The following UGT2B4 variants were observed in gnomAD, a reference collection of about 807,000 sequenced individuals.
UGT2B4 encodes the protein UDP glucuronosyltransferase family 2 member B4, also known as UDP-glucuronosyltransferase 2B4.
UGT2B4 carries 49 observed loss-of-function variants against 49.8 expected under a neutral mutation model. The observed-to-expected ratio is 0.98, with a 90% confidence interval of 0.78 to 1.25. UGT2B4 has a LOEUF of 1.25. UGT2B4 is among the 50% of genes most tolerant of loss of function. UGT2B4 has a pLI of 0.00. For synonymous variants in UGT2B4, 246 were observed against 217.7 expected, an observed-to-expected ratio of 1.13 and a Z score of -1.14; for missense variants, 729 against 627.7, an observed-to-expected ratio of 1.16 and a Z score of -1.73.
rs1727746955 is a variant in UGT2B4 at position 69,485,340 on chromosome 4, A to G, written c.1178T>C (p.Val393Ala). ...AIYHGIPMVG[V>A]PLFADQPDNI... ...ATCAGGTTGATCTGCAAACAATGGA[A>G]CGCCCACCATAGGGATTCCATGGTA... The change falls in exon 5 of 6, where the codon GTT (valine) becomes GCT (alanine). Residue 393 changes from valine to alanine, a missense_variant. Coordinates refer to ENST00000305107, the MANE Select transcript of UGT2B4 (RefSeq NM_021139.3). 1.2e-6 allele frequency: 2 copies of G among 1,614,056 alleles called. No homozygotes were observed. Among genetic ancestry groups the G allele is most frequent in the Non-Finnish European group, 1.7e-6 (2 of 1,179,942 alleles).
At chr4:69,508,798 C>A (rs1728536673) in intron 1 of UGT2B4, among the ~76,000 whole-genome samples, 2 of 152,072 alleles carry the variant, frequency 1.3e-5, no homozygotes, top group African/African-American at 4.8e-5. Flanking sequence ...CACAGCAAAC[C>A]CCATGACATA....
chr4:69,483,108 G>C (rs1191047553), intron 5 of UGT2B4, among the ~76,000 whole-genome samples: 1 of 152,106 alleles, frequency 6.6e-6, no homozygotes, highest in African/African-American at 2.4e-5. Flanking sequence ...AAATAAAAGT[G>C]TGTGCATAAT....
intron 5 of UGT2B4, 116 bp from the exon 6 acceptor site, chr4:69,481,026 C>G: frequency 9.3e-7 from 1 of 1,077,812 alleles, no homozygotes; most frequent in Admixed American, 2.7e-5. Context: ...ATCACGAGGT[C>G]AGGAGATCAA....
At chr4:69,515,150 C>A (rs1383412033) in intron 1 of UGT2B4, among the ~76,000 whole-genome samples, 1 of 152,162 alleles carries the variant, frequency 6.6e-6, no homozygotes, top group Non-Finnish European at 1.5e-5. Flanking sequence ...AGGGCCTTAA[C>A]TTAACTTTGG....
intron 5 of UGT2B4, among the ~76,000 whole-genome samples, chr4:69,481,807 CAT>C (rs2109800909): frequency 6.6e-6 from 1 of 152,296 alleles, no homozygotes; most frequent in East Asian, 1.9e-4. Context: ...GGAATTGTGT[CAT>C]GTGGGTGAAA....
intron 1 of UGT2B4, among the ~76,000 whole-genome samples, chr4:69,514,592 G>C (rs1468758309): frequency 6.6e-6 from 1 of 152,070 alleles, no homozygotes; most frequent in Non-Finnish European, 1.5e-5. Flanking sequence ...TGTTGGCTGT[G>C]GGTTTGTCAT....
chr4:69,482,265 T>A (rs1162847205), intron 5 of UGT2B4, among the ~76,000 whole-genome samples: 1 of 152,236 alleles, frequency 6.6e-6, no homozygotes, highest in East Asian at 1.9e-4. Context: ...TTTCCTCTAC[T>A]TTTTGTGCTT....
intron 1 of UGT2B4, among the ~76,000 whole-genome samples, chr4:69,515,827 G>T (rs1351815800): frequency 1.3e-5 from 2 of 152,030 alleles, no homozygotes; most frequent in South Asian, 2.1e-4. Context: ...ACCAAACAAA[G>T]AAAACAGCAT....
intron 1 of UGT2B4, among the ~76,000 whole-genome samples, chr4:69,501,332 A>T (rs1019318549): frequency 2.6e-5 from 4 of 152,014 alleles, no homozygotes; most frequent in African/African-American, 9.7e-5. Flanking sequence ...CAGGTTCCAG[A>T]TCCTGTTCCT....
chr4:69,524,554 A>G (rs76722375), intron 1 of UGT2B4, among the ~76,000 whole-genome samples: 53,187 of 151,764 alleles, frequency 0.35, 9,366 homozygotes, highest in Non-Finnish European at 0.37. Flanking sequence ...GCTCAACATA[A>G]GGAATATAGC....
chr4:69,503,378 C>T (rs7679951), intron 1 of UGT2B4, among the ~76,000 whole-genome samples: 4 of 152,094 alleles, frequency 2.6e-5, no homozygotes, highest in Non-Finnish European at 4.4e-5. Context: ...CATGTTCTCT[C>T]CCAAGACTGC....
At position 69,485,115 on chromosome 4, in the gene UGT2B4, T is replaced by C. The variant is rs1211093026; in HGVS notation, c.1310+93A>G. On this transcript the variant is annotated intron_variant, in intron 5 of 5. Transcript: ENST00000305107. ...TTAAATCACTTAAATTCTTTCGAAA[T>C]CAGTCGCTTATAAAAAGGATAAAAG... 12 of 1,428,910 alleles carry C rather than the reference T, an allele frequency of 8.4e-6. No homozygotes were observed. The East Asian group carries it at 2.5e-4, about 30-fold the overall frequency. 88.5% of individuals were successfully genotyped at this position (1,428,910 alleles called of 1,614,324 possible).
At chr4:69,505,187 A>T (rs964192615) in intron 1 of UGT2B4, among the ~76,000 whole-genome samples, 1 of 152,078 alleles carries the variant, frequency 6.6e-6, no homozygotes, top group Non-Finnish European at 1.5e-5. Context: ...ATAACCAGCT[A>T]ACATCATGAT....
In UGT2B4 at chr4:69,495,429, A is replaced by C; in HGVS notation, c.433T>G (p.Phe145Val). 1 of 1,613,912 alleles carries C rather than the reference A, an allele frequency of 6.2e-7. No individual in the cohort carries two copies. Among genetic ancestry groups the C allele is most frequent in the Non-Finnish European group, 8.5e-7 (1 of 1,179,952 alleles). The stretch of plus-strand genomic sequence containing the variant: ...ACAGCATCTGCAAGAACAACATCAA[A>C]TCTTGACTCCTGTAGTTTCTTCATA... ...KLMKKLQESR[F>V]DVVLADAVFP... Residue 145 changes from phenylalanine to valine, a missense_variant, in exon 1 of 6, where the codon TTT becomes GTT. Coordinates refer to ENST00000305107, the MANE Select transcript of UGT2B4 (RefSeq NM_021139.3).
At chr4:69,509,144 G>A (rs1185631915) in intron 1 of UGT2B4, among the ~76,000 whole-genome samples, 3 of 148,638 alleles carry the variant, frequency 2.0e-5, no homozygotes, top group Admixed American at 6.8e-5. Context: ...ACATATGGCA[G>A]GATTGTTAGA....
chr4:69,518,442 T>C (rs531354108), intron 1 of UGT2B4: 2 of 152,268 alleles, frequency 1.3e-5, no homozygotes, highest in East Asian at 3.9e-4. Context: ...AGTTTGAGTG[T>C]TTACTGAGCA....
chr4:69,494,222 T>C (rs1005548621), intron 1 of UGT2B4, among the ~76,000 whole-genome samples: 1 of 152,128 alleles, frequency 6.6e-6, no homozygotes, highest in Non-Finnish European at 1.5e-5. Context: ...ACCATACCCA[T>C]AAAAACAATT....
intron 4 of UGT2B4, among the ~76,000 whole-genome samples, chr4:69,485,691 A>C (rs202067912): frequency 2.1e-5 from 1 of 47,094 alleles, no homozygotes; most frequent in African/African-American, 7.0e-5. Flanking sequence ...AGGAAACATC[A>C]TGTGCAGAAA....
upstream of UGT2B4, among the ~76,000 whole-genome samples, chr4:69,499,640 C>A (rs959622807): frequency 2.0e-5 from 3 of 151,864 alleles, no homozygotes; most frequent in African/African-American, 7.3e-5. Context: ...CTTTCTTGAT[C>A]TTTTTGGTTT....
Sources: allele counts gnomAD v4.1 joint callset (sites outside exome capture counted in the v4.1 genomes callset), GRCh38; gene constraint gnomAD v4.1.1; transcripts MANE v1.5; gene names NCBI Gene and HGNC (gene_info 2026-07-23, HGNC 2026-07-21).